Variants in BLM observed in about 807,000 individuals in gnomAD.
BLM encodes the protein BLM RecQ like helicase.
A neutral mutation model predicts 135.3 loss-of-function variants in BLM; 95 were observed. The observed-to-expected ratio is 0.70, with a 90% CI of 0.59 to 0.83. The LOEUF (loss-of-function observed/expected upper bound fraction) is 0.83. Ranked by LOEUF, BLM falls within the 40% of genes least tolerant of loss-of-function variation. The pLI, the probability that BLM is intolerant of heterozygous loss-of-function variation, is 0.00. For missense variants in BLM, 1,518 were observed against 1,663.9 expected (o/e 0.91, Z 1.53); for synonymous variants, 520 against 589.2 (o/e 0.88, Z 1.70).
At chr15:90,726,835 TTGAACACCTTGGTTGATTCCGTATC>T (rs1310345592) in intron 1 of BLM, among the ~76,000 whole-genome samples, 3 of 152,240 alleles carry the variant, frequency 2.0e-5, no homozygotes, top group African/African-American at 7.2e-5. Context: ...TCATCGCTTG[TTGAACACCTTGGTTGATTCCGTATC>T]TTGGCTATTG....
intron 5 of BLM, among the ~76,000 whole-genome samples, chr15:90,759,700 A>G (rs1336459241): frequency 1.3e-5 from 2 of 151,816 alleles, no homozygotes; most frequent in African/African-American, 4.8e-5. Flanking sequence ...TCCACCTCCC[A>G]GGTTCAAGCG....
intron 12 of BLM, among the ~76,000 whole-genome samples, chr15:90,772,750 AG>A (rs1185886815): frequency 6.6e-6 from 1 of 152,200 alleles, no homozygotes; most frequent in East Asian, 1.9e-4. Context: ...TGTTACAAGG[AG>A]GGGTCAGATC....
At chr15:90,801,878 AAACCCTG>A (rs1897173090) in intron 17 of BLM, among the ~76,000 whole-genome samples, 1 of 152,172 alleles carries the variant, frequency 6.6e-6, no homozygotes, top group African/African-American at 2.4e-5. Flanking sequence ...CAACCTGGCG[AAACCCTG>A]TCTCTACCAA....
chr15:90,761,061 A>T lies in BLM; in HGVS notation c.1688A>T (p.Asp563Val), dbSNP rs1288457938. The change falls in exon 7 of 22, where the codon GAT becomes GTT. Residue 563 changes from aspartate (D) to valine (V), a missense_variant. By Grantham distance (152) the Asp-to-Val change is radical. Transcript: ENST00000355112. ...IDNFDIDDFDDDDDWEDIMHN... is the reference protein window; with the variant it reads ...IDNFDIDDFDVDDDWEDIMHN... ...AATTTTGACATAGATGACTTTGATG[A>T]TGATGATGACTGGGAAGACATAATG... 2 of 1,585,116 alleles carry T rather than the reference A, an allele frequency of 1.3e-6. No individual in the cohort carries two copies. The highest frequency in any genetic ancestry group is 1.8e-5 in the Admixed American group (1 of 54,110).
At position 90,784,978 on chromosome 15, in the gene BLM, C is replaced by T. The variant is rs367953471; in HGVS notation, c.2720C>T (p.Thr907Met). Reference protein sequence around the residue: ...SRRECDTMADTLQRDGLAALA... With the variant: ...SRRECDTMADMLQRDGLAALA... ...CGAGAATGTGACACCATGGCTGACA[C>T]GTTACAGAGAGATGGGCTCGCTGCT... Residue 907 changes from threonine to methionine, a missense_variant, in exon 14 of 22, where the codon ACG (threonine) becomes ATG (methionine). By Grantham distance (81) the Thr-to-Met change is moderately conservative. Coordinates refer to ENST00000355112, the MANE Select transcript of BLM (RefSeq NM_000057.4). 9.2e-5 allele frequency: 149 copies of T among 1,614,002 alleles called. No homozygotes were observed. The highest frequency in any genetic ancestry group is 2.4e-4 in the South Asian group (22 of 91,086).
At chr15:90,775,113 C>T (rs907721710) in intron 12 of BLM, among the ~76,000 whole-genome samples, 1 of 152,008 alleles carries the variant, frequency 6.6e-6, no homozygotes, top group Admixed American at 6.6e-5. Flanking sequence ...CTATTGCAGT[C>T]ATTGAGGAGA....
chr15:90,733,791 T>A (rs62025088), intron 1 of BLM, among the ~76,000 whole-genome samples: 22 of 152,188 alleles, frequency 1.4e-4, no homozygotes, highest in Non-Finnish European at 2.1e-4. Context: ...TAATTCTGCC[T>A]TCTTGCTCTC....
At position 90,794,194 on chromosome 15, in the gene BLM, G is replaced by A; in HGVS notation, c.3047G>A (p.Arg1016Lys). Reference sequence around the variant, plus strand: ...GAAAAAGATGGAAACCATCATACAAGAGAAACTCACTTCAATAATTTGTAT... The same window carrying A: ...GAAAAAGATGGAAACCATCATACAAAAGAAACTCACTTCAATAATTTGTAT... ...MMEKDGNHHT[R>K]ETHFNNLYSM... Residue 1016 changes from arginine to lysine, a missense_variant, in exon 16 of 22, where the codon AGA becomes AAA. Around this residue, in one of 5 missense-constraint regions of BLM, gnomAD observed 626 missense variants for 681.1 expected, o/e 0.92. Coordinates refer to ENST00000355112, the MANE Select transcript of BLM (RefSeq NM_000057.4). 3 of 1,604,992 alleles carry A rather than the reference G, an allele frequency of 1.9e-6. No homozygotes were observed. Among genetic ancestry groups the A allele is most frequent in the Non-Finnish European group, 2.6e-6 (3 of 1,174,434 alleles).
chr15:90,756,894 T>C (rs904870920), intron 5 of BLM, among the ~76,000 whole-genome samples: 8 of 152,230 alleles, frequency 5.3e-5, no homozygotes, highest in African/African-American at 1.9e-4. Flanking sequence ...TGGCAAATAG[T>C]TAAACTTCTC....
rs1596252085 is a variant in BLM at position 90,784,971 on chromosome 15, G to A, written c.2713G>A (p.Ala905Thr). The A allele has an allele frequency of 1.2e-6, 2 of 1,614,130 alleles. No individual in the cohort carries two copies. Among genetic ancestry groups the A allele is most frequent in the South Asian group, 2.2e-5 (2 of 91,082 alleles). The change falls in exon 14 of 22, where the codon GCT becomes ACT. Residue 905 changes from alanine (A) to threonine (T), a missense_variant. Coordinates refer to ENST00000355112, the MANE Select transcript of BLM (RefSeq NM_000057.4). ...CTCCAGGCGAGAATGTGACACCATG[G>A]CTGACACGTTACAGAGAGATGGGCT... is the stretch of plus-strand genomic sequence containing the variant. ...CLSRRECDTM[A>T]DTLQRDGLAA... is the part of the protein sequence containing the mutation.
At position 90,761,099 on chromosome 15, in the gene BLM, G is replaced by A; in HGVS notation, c.1726G>A (p.Ala576Thr). Residue 576 changes from alanine (A) to threonine (T), a missense_variant, in exon 7 of 22, where the codon GCC (alanine) becomes ACC (threonine). Ala to Thr is a moderately conservative substitution (Grantham distance 58). Around this residue, in one of 5 missense-constraint regions of BLM, gnomAD observed 724 missense variants for 756.9 expected, o/e 0.96. Transcript: ENST00000355112. Reference protein sequence around the residue: ...DWEDIMHNLAASKSSTAAYQP... With the variant: ...DWEDIMHNLATSKSSTAAYQP... ...GGAAGACATAATGCATAATTTAGCA[G>A]CCAGCAAATCTTCCACAGCTGCCTA... 6.5e-7 allele frequency: 1 copy of A among 1,548,614 alleles called. No homozygotes were observed. The highest frequency in any genetic ancestry group is 8.7e-7 in the Non-Finnish European group (1 of 1,152,384).
intron 19 of BLM, chr15:90,808,871 C>G: frequency 1.9e-6 from 1 of 528,124 alleles, no homozygotes; most frequent in South Asian, 2.0e-5. Context: ...GGCACAGGTC[C>G]CACCCTCAGC....
chr15:90,804,875 T>G (rs1203689970), intron 19 of BLM, among the ~76,000 whole-genome samples: 1 of 151,890 alleles, frequency 6.6e-6, no homozygotes, highest in East Asian at 1.9e-4. Flanking sequence ...TCACTCTTAT[T>G]GCCCAGGCTG....
chr15:90,759,512 T>C (rs1407223836), intron 5 of BLM, among the ~76,000 whole-genome samples: 1 of 152,154 alleles, frequency 6.6e-6, no homozygotes, highest in Non-Finnish European at 1.5e-5. Context: ...GAGGATCTCT[T>C]GAGCCCAAGA....
chr15:90,722,195 C>T lies in BLM; in HGVS notation c.-5+4755C>T, dbSNP rs542109578. Among the ~76,000 whole-genome samples the T allele has an allele frequency of 1.6e-4, 24 of 151,940 alleles. 1 individual carries two copies. The highest frequency in any genetic ancestry group is 6.0e-4 in the East Asian group (3 of 5,024). On this transcript the variant is annotated intron_variant, in intron 1 of 21. Transcript: ENST00000355112. ...CGCAATCTTGGCTCACTGAAAGCTCCGCCTCCCAGCTTCATGCCATTCTCC... is the reference window on the plus strand; with the variant it reads ...CGCAATCTTGGCTCACTGAAAGCTCTGCCTCCCAGCTTCATGCCATTCTCC...
chr15:90,726,093 G>A (rs1894907804), intron 1 of BLM, among the ~76,000 whole-genome samples: 1 of 151,954 alleles, frequency 6.6e-6, no homozygotes, highest in African/African-American at 2.4e-5. Flanking sequence ...ATCAGATCAG[G>A]GTAATTAGCA....
chr15:90,761,020 T>G lies in BLM; in HGVS notation c.1647T>G (p.Pro549=). Residue 549 remains proline (P), a synonymous_variant, in exon 7 of 22, where the codon CCT becomes CCG. Coordinates refer to ENST00000355112, the MANE Select transcript of BLM (RefSeq NM_000057.4). ...ATGACTTAGAAAGAGAAACCCAACC[T>G]TCCTATGATATTGATAATTTTGACA... The part of the protein sequence containing the change: ...SINDLERETQ[P]SYDIDNFDID... 1.2e-6 allele frequency: 2 copies of G among 1,602,864 alleles called. No individual in the cohort carries two copies. The highest frequency in any genetic ancestry group is 4.5e-5 in the East Asian group (2 of 44,796).
chr15:90,727,504 C>G (rs1894949981), intron 1 of BLM, among the ~76,000 whole-genome samples: 1 of 151,996 alleles, frequency 6.6e-6, no homozygotes, highest in Non-Finnish European at 1.5e-5. Context: ...TGAAACCTTT[C>G]CTACACTGAT....
intron 18 of BLM, among the ~76,000 whole-genome samples, 169 bp downstream of exon 18, chr15:90,803,889 C>T (rs1372476220): frequency 6.6e-6 from 1 of 152,094 alleles, no homozygotes; most frequent in Non-Finnish European, 1.5e-5. Context: ...TAAAATTCAA[C>T]CCAAGTAATA....
Sources: gnomAD v4.1 joint callset for allele counts (sites outside exome capture counted in the v4.1 genomes callset) on GRCh38, gnomAD v4.1.1 for gene constraint, gnomAD v4.1.1 regional missense constraint, MANE v1.5 for transcripts, NCBI Gene and HGNC (gene_info 2026-07-23, HGNC 2026-07-21) for gene names.